The following SH3RF3 variants were observed in gnomAD, a reference collection of about 807,000 sequenced individuals.
The protein encoded by SH3RF3 is E3 ubiquitin-protein ligase SH3RF3.
A neutral mutation model predicts 66.3 loss-of-function variants in SH3RF3; 29 were observed. The ratio of observed to expected loss-of-function variants is 0.44; its 90% CI spans 0.33 to 0.60. SH3RF3 has a LOEUF of 0.60. SH3RF3 is among the 20% of genes least tolerant of loss of function. The pLI, the probability that SH3RF3 is intolerant of heterozygous loss-of-function variation, is 0.04. For synonymous variants in SH3RF3, 583 were observed against 532.0 expected (o/e 1.10, Z -1.32); for missense variants, 1,194 against 1,190.9 (o/e 1.00, Z -0.04).
intron 1 of SH3RF3, among the ~76,000 whole-genome samples, chr2:109,247,272 G>A (rs1360746164): frequency 1.3e-5 from 2 of 152,226 alleles, no homozygotes; most frequent in South Asian, 2.1e-4. Flanking sequence ...TCCTGGAATC[G>A]GTGACACACC....
chr2:109,139,612 C>T (rs1028294919), intron 1 of SH3RF3, among the ~76,000 whole-genome samples: 2 of 152,114 alleles, frequency 1.3e-5, no homozygotes, highest in African/African-American at 4.8e-5. Context: ...TCTGCTGTCT[C>T]GGTTTGACAA....
chr2:109,148,158 G>A (rs932912984), intron 1 of SH3RF3, among the ~76,000 whole-genome samples: 1 of 152,240 alleles, frequency 6.6e-6, no homozygotes, highest in African/African-American at 2.4e-5. Context: ...AGTATGCAGT[G>A]TGTTCTTACC....
At chr2:109,343,415 A>C (rs1459683852) in intron 1 of SH3RF3, among the ~76,000 whole-genome samples, 1 of 151,224 alleles carries the variant, frequency 6.6e-6, no homozygotes, top group African/African-American at 2.4e-5. Context: ...AAAAAGGTTC[A>C]TTCCCCCTCT....
intron 3 of SH3RF3, among the ~76,000 whole-genome samples, chr2:109,373,478 A>G (rs1307005145): frequency 2.0e-5 from 3 of 152,280 alleles, no homozygotes; most frequent in African/African-American, 7.2e-5. Context: ...CCCACCATGC[A>G]TGTGAACAAA....
In SH3RF3 at chr2:109,436,808, G is replaced by T. The variant is rs899553515; in HGVS notation, c.1575-85G>T. 27 of 1,513,604 alleles carry T rather than the reference G, an allele frequency of 1.8e-5. No homozygotes were observed. The Admixed American group carries it at 5.6e-4, about 31-fold the overall frequency. 93.8% of individuals were successfully genotyped at this position (1,513,604 alleles called of 1,614,324 possible). On this transcript the variant is annotated intron_variant, in intron 6 of 9. Coordinates refer to ENST00000309415, the MANE Select transcript of SH3RF3 (RefSeq NM_001099289.3). ...GGCCTTCATCTCTTAAAGCCAGCAG[G>T]TCAGAGCGAGGCTCTGCCAGAGGCC...
At chr2:109,428,419 G>A (rs750871737) in intron 5 of SH3RF3, among the ~76,000 whole-genome samples, 1 of 152,238 alleles carries the variant, frequency 6.6e-6, no homozygotes, top group South Asian at 2.1e-4. Context: ...CAGGCTGCAC[G>A]TGAAAGCAGA....
intron 1 of SH3RF3, among the ~76,000 whole-genome samples, chr2:109,167,034 T>A (rs1437637314): frequency 2.0e-5 from 3 of 152,194 alleles, no homozygotes; most frequent in Non-Finnish European, 4.4e-5. Context: ...ACACCACTCA[T>A]CGGTGTCCCG....
At chr2:109,305,724 C>T (rs560183402) in intron 1 of SH3RF3, among the ~76,000 whole-genome samples, 3 of 152,192 alleles carry the variant, frequency 2.0e-5, no homozygotes, top group African/African-American at 4.8e-5. Flanking sequence ...GGCTACAATG[C>T]GGGAGGACGC....
At chr2:109,358,731 C>T (rs778787383) in intron 2 of SH3RF3, among the ~76,000 whole-genome samples, 1 of 152,156 alleles carries the variant, frequency 6.6e-6, no homozygotes, top group African/African-American at 2.4e-5. Context: ...CAGTCTGTAG[C>T]GTGTCTTCTC....
At chr2:109,344,243 A>G (rs1463912375) in intron 1 of SH3RF3, among the ~76,000 whole-genome samples, 4 of 152,214 alleles carry the variant, frequency 2.6e-5, no homozygotes, top group Non-Finnish European at 5.9e-5. Context: ...GGAATTAGGA[A>G]GGTGGCCGAT....
chr2:109,500,410 G>A (rs1312832804), intron 9 of SH3RF3, among the ~76,000 whole-genome samples: 2 of 152,150 alleles, frequency 1.3e-5, no homozygotes, highest in African/African-American at 2.4e-5. Context: ...ATGCCCCTGG[G>A]TCCCTGCAGG....
intron 1 of SH3RF3, among the ~76,000 whole-genome samples, chr2:109,335,602 C>T (rs1421798168): frequency 6.6e-6 from 1 of 151,824 alleles, no homozygotes; most frequent in African/African-American, 2.4e-5. Context: ...TAGCACTTAA[C>T]CACTTTCTGA....
In SH3RF3 at chr2:109,487,396, G is replaced by A. The variant is rs542716991; in HGVS notation, c.2149-3209G>A. ...ATTCCATGGATTCCGTGAGCATGAC[G>A]ATTGTTAGTACTGGGAATTCCACAG... On this transcript the variant is annotated intron_variant, in intron 8 of 9. Coordinates refer to ENST00000309415, the MANE Select transcript of SH3RF3 (RefSeq NM_001099289.3). Among the ~76,000 whole-genome samples the A allele has an allele frequency of 8.5e-5, 13 of 152,288 alleles. No homozygotes were observed. The South Asian group carries it at 1.7e-3, about 19-fold the overall frequency.
rs1351241808 is a variant in SH3RF3, at chr2:109,244,629, CAGG to C, written c.574-103042_574-103040del. Among the ~76,000 whole-genome samples the C allele has an allele frequency of 9.2e-5, 14 of 152,314 alleles. No individual in the cohort carries two copies. The South Asian group carries it at 2.7e-3, about 29-fold the overall frequency. ...AGGAAAACCCAAGAATGCCAGTTAG[CAGG>C]AGAAGATATCGGAGTTTCTGTTAGG... On this transcript the variant is annotated intron_variant, in intron 1 of 9. Transcript: ENST00000309415.
chr2:109,419,492 A>T, intron 4 of SH3RF3, 47 bp from the exon 5 acceptor site: 1 of 1,530,838 alleles, frequency 6.5e-7, no homozygotes, highest in South Asian at 1.2e-5. Flanking sequence ...TTTCCCTTGG[A>T]TGGAGTCTCT....
intron 2 of SH3RF3, among the ~76,000 whole-genome samples, chr2:109,352,813 C>A (rs1344495721): frequency 1.3e-5 from 2 of 152,192 alleles, no homozygotes; most frequent in Non-Finnish European, 2.9e-5. Flanking sequence ...AGCAGAGCAC[C>A]CTCTTAGCCA....
chr2:109,361,993 T>C lies in SH3RF3; in HGVS notation c.850-9593T>C, dbSNP rs1474021358. 2.0e-5 allele frequency among the ~76,000 whole-genome samples: 3 copies of C among 152,152 alleles called. No individual in the cohort carries two copies. The East Asian group carries it at 5.8e-4, about 29-fold the overall frequency. ...TAGTTTGCTTGCTAGAAGCATATGA[T>C]TTTTATTGATCTTTTTAAAGATTAA... On this transcript the variant is annotated intron_variant, in intron 2 of 9. Coordinates refer to ENST00000309415, the MANE Select transcript of SH3RF3 (RefSeq NM_001099289.3).
At chr2:109,314,353 G>T (rs1227603825) in intron 1 of SH3RF3, among the ~76,000 whole-genome samples, 1 of 152,208 alleles carries the variant, frequency 6.6e-6, no homozygotes, top group Non-Finnish European at 1.5e-5. Context: ...TCCAGAAAAT[G>T]GCTCCGTTGA....
chr2:109,157,769 G>T (rs1307230582), intron 1 of SH3RF3, among the ~76,000 whole-genome samples: 7 of 152,136 alleles, frequency 4.6e-5, no homozygotes, highest in African/African-American at 1.7e-4. Context: ...CAGGGACTTT[G>T]CCCTCATCAT....
Sources: gnomAD v4.1 joint callset for allele counts (sites outside exome capture counted in the v4.1 genomes callset) on GRCh38, gnomAD v4.1.1 for gene constraint, MANE v1.5 for transcripts, NCBI Gene and HGNC (gene_info 2026-07-23, HGNC 2026-07-21) for gene names.